Variants in PTCH1 observed in about 807,000 individuals in gnomAD.
PTCH1 encodes patched 1, also known as protein patched homolog 1.
Under a neutral mutation model 144.6 loss-of-function variants are expected in PTCH1, and 14 were observed. That is an observed-to-expected ratio of 0.10 (90% confidence interval 0.06 to 0.15). The LOEUF (loss-of-function observed/expected upper bound fraction) is 0.15. Ranked by LOEUF, PTCH1 falls within the 10% of genes least tolerant of loss-of-function variation. The pLI, the probability that PTCH1 is intolerant of heterozygous loss-of-function variation, is 1.00. For missense variants in PTCH1, 1,623 were observed against 1,948.3 expected (o/e 0.83, Z 3.14); for synonymous variants, 833 against 793.6 (o/e 1.05, Z -0.83).
intron 2 of PTCH1, among the ~76,000 whole-genome samples, chr9:95,497,350 G>A (rs749424746): frequency 2.0e-5 from 3 of 152,164 alleles, no homozygotes; most frequent in Admixed American, 6.5e-5. Flanking sequence ...TCTCAGCTCC[G>A]AACAATCATC....
In PTCH1 at chr9:95,468,988, G is replaced by C; in HGVS notation, c.2013C>G (p.His671Gln). Reference protein sequence around the residue: ...TVQLRTEYDPHTHVYYTTAEP... With the variant: ...TVQLRTEYDPQTHVYYTTAEP... ...CAGCGGTGGTGTAGTACACGTGCGT[G>C]TGGGGGTCGTACTCCGTGCGGAGCT... The change falls in exon 14 of 24, where the codon CAC becomes CAG. Residue 671 changes from histidine (H) to glutamine (Q), a missense_variant. Coordinates refer to ENST00000331920, the MANE Select transcript of PTCH1 (RefSeq NM_000264.5). 1 of 1,614,088 alleles carries C rather than the reference G, an allele frequency of 6.2e-7. No homozygotes were observed. Among genetic ancestry groups the C allele is most frequent in the Non-Finnish European group, 8.5e-7 (1 of 1,180,046 alleles).
At chr9:95,469,288 G>A in intron 13 of PTCH1, 135 bp from the exon 14 acceptor site, 1 of 1,203,142 alleles carries the variant, frequency 8.3e-7, no homozygotes, top group Non-Finnish European at 1.2e-6. Flanking sequence ...TCACATTGCT[G>A]AATTCCAGAA....
In PTCH1 at chr9:95,449,291, G is replaced by A. The variant is rs2136602162; in HGVS notation, c.3582C>T (p.Pro1194=). 1.3e-6 allele frequency: 2 copies of A among 1,557,530 alleles called. No homozygotes were observed. The highest frequency in any genetic ancestry group is 1.7e-6 in the Non-Finnish European group (2 of 1,151,116). Residue 1194 remains proline (P), a synonymous_variant, in exon 22 of 24, where the codon CCC becomes CCT. Transcript: ENST00000331920. This position sits in a 1 kb window ranked among gnomAD's most constrained non-coding sequence, Gnocchi z 5.3. ...TGGGGGGTGGCTCAGGGGAGGGTGT[G>A]GGCAGGCGGTTCAAGCCGTTGGCTG... is the stretch of plus-strand genomic sequence containing the variant. The part of the protein sequence containing the change: ...VSPANGLNRL[P]TPSPEPPPSV...
At chr9:95,460,100 T>C (rs1016233386) in intron 16 of PTCH1, 4 of 419,316 alleles carry the variant, frequency 9.5e-6, no homozygotes, top group Non-Finnish European at 1.8e-5. Context: ...AGAAACATAT[T>C]TATAGGAGGG....
At chr9:95,508,113 G>A (rs1843876645) in intron 1 of PTCH1, 48 bp downstream of exon 1, 7 of 1,606,784 alleles carry the variant, frequency 4.4e-6, no homozygotes, top group Non-Finnish European at 5.9e-6. Flanking sequence ...CGATCCCAAA[G>A]AGTTAGAGGA....
chr9:95,510,841 G>T (rs1325514087), upstream of PTCH1, among the ~76,000 whole-genome samples: 2 of 151,268 alleles, frequency 1.3e-5, no homozygotes, highest in Admixed American at 1.3e-4. Context: ...CCCGCGCCAG[G>T]AGGCCCGGTG....
chr9:95,460,736 G>A (rs1041892509), intron 16 of PTCH1, among the ~76,000 whole-genome samples: 9 of 152,112 alleles, frequency 5.9e-5, no homozygotes, highest in Non-Finnish European at 1.2e-4. Flanking sequence ...CATGCAGCAC[G>A]CCTTTCTCCC....
At chr9:95,496,334 G>A (rs1444559032) in intron 2 of PTCH1, among the ~76,000 whole-genome samples, 4 of 152,152 alleles carry the variant, frequency 2.6e-5, no homozygotes, top group Admixed American at 1.3e-4. Context: ...ATTTTTCCAC[G>A]TTGCTGGCTA....
At chr9:95,483,570 A>G (rs1184366584) in intron 3 of PTCH1, 1 of 152,282 alleles carries the variant, frequency 6.6e-6, no homozygotes, top group African/African-American at 2.4e-5. Context: ...TGTCACCCCC[A>G]TGTTAAGCTT....
chr9:95,449,626 A>AG lies in PTCH1; in HGVS notation c.3549+214dup. The AG allele has an allele frequency of 1.5e-6, 1 of 651,798 alleles. No homozygotes were observed. Among genetic ancestry groups the AG allele is most frequent in the Non-Finnish European group, 2.7e-6 (1 of 374,276 alleles). 40.4% of individuals were successfully genotyped at this position (651,798 alleles called of 1,614,324 possible). A position where few individuals can be genotyped will look rare whatever the true frequency, so the allele number is the denominator to read the frequency against. On this transcript the variant is annotated intron_variant, in intron 21 of 23. Transcript: ENST00000331920. The surrounding 1 kb of genome is among the most constrained non-coding windows in gnomAD (Gnocchi z 5.3). ...TACTGTATAAAGATCTGTAAGACCC[A>AG]GGCTGCCAATCAGTTGATTTAGAGG... is the stretch of plus-strand genomic sequence containing the variant.
In PTCH1 at chr9:95,479,322, G is replaced by A. The variant is rs138312474; in HGVS notation, c.1068-175C>T. 2.8e-3 allele frequency among the ~76,000 whole-genome samples: 422 copies of A among 152,238 alleles called. 4 individuals are homozygous for A. Among genetic ancestry groups the A allele is most frequent in the African/African-American group, 9.8e-3 (406 of 41,528 alleles). On this transcript the variant is annotated intron_variant, in intron 7 of 23. Transcript: ENST00000331920. ...TGGTTATTTTATTTAATAGATTGAT[G>A]TACCATATTAAAGGTATAACCTTAC...
At position 95,485,886 on chromosome 9, in the gene PTCH1, G is replaced by A. The variant is rs374019375; in HGVS notation, c.395-12C>T. 69 of 1,614,050 alleles carry A rather than the reference G, an allele frequency of 4.3e-5. No homozygotes were observed. In the South Asian group the frequency reaches 4.8e-4, roughly 11 times the overall value. On this transcript the variant is annotated splice_polypyrimidine_tract_variant and intron_variant, in intron 2 of 23. Coordinates refer to ENST00000331920, the MANE Select transcript of PTCH1 (RefSeq NM_000264.5). ...TACTCGTCCTCCAACTGACAAATAT[G>A]TACAGGTTTAATTAGAATAGCAAAA...
intron 12 of PTCH1, among the ~76,000 whole-genome samples, chr9:95,472,147 C>A (rs1427294498): frequency 1.3e-5 from 2 of 152,184 alleles, no homozygotes; most frequent in Admixed American, 1.3e-4. Context: ...CACCTCAGTA[C>A]TGCTGGGGTT....
Position 95,508,543 on chromosome 9 carries a change from C to T in PTCH1, c.-182G>A. The T allele has an allele frequency of 2.0e-6, 2 of 1,009,050 alleles. No homozygotes were observed. Among genetic ancestry groups the T allele is most frequent in the Non-Finnish European group, 2.4e-6 (2 of 845,472 alleles). The allele number at this position is 1,009,050 out of a possible 1,614,324, so 62.5% of individuals were successfully genotyped here. A position where few individuals can be genotyped will look rare whatever the true frequency, so the allele number is the denominator to read the frequency against. On this transcript the variant is annotated 5_prime_UTR_variant, in exon 1 of 24. Transcript: ENST00000331920. ...CCAGCCGCTGCTGCTGCTCACACGG[C>T]GGGCGCTGCTGCCGCTGCGGCCGCG...
At chr9:95,477,857 G>A (rs1841192052) in intron 9 of PTCH1, among the ~76,000 whole-genome samples, 155 bp from the exon 10 acceptor site, 1 of 152,206 alleles carries the variant, frequency 6.6e-6, no homozygotes, top group African/African-American at 2.4e-5. Context: ...AAAATGACAG[G>A]AGTCAAAGGT....
At chr9:95,516,943 C>G in exon 1 of PTCH1, 1 of 798,230 alleles carries the variant, frequency 1.3e-6, no homozygotes, top group Non-Finnish European at 1.9e-6. Context: ...GAGGAACGTG[C>G]TATCAGCACA....
chr9:95,488,547 T>C (rs573970960), intron 2 of PTCH1, among the ~76,000 whole-genome samples: 20 of 149,164 alleles, frequency 1.3e-4, no homozygotes, highest in Admixed American at 2.7e-4. Flanking sequence ...TAATGAAGTT[T>C]AGTTGCCACC....
upstream of PTCH1, among the ~76,000 whole-genome samples, chr9:95,511,452 A>C (rs1474941869): frequency 6.6e-6 from 1 of 152,148 alleles, no homozygotes; most frequent in Admixed American, 6.5e-5. Context: ...GGATGTCCCG[A>C]GGAAGAGAGG....
At chr9:95,464,692 G>A (rs1460053661) in intron 15 of PTCH1, among the ~76,000 whole-genome samples, 1 of 152,018 alleles carries the variant, frequency 6.6e-6, no homozygotes, top group Non-Finnish European at 1.5e-5. Flanking sequence ...AGTTTTAGGA[G>A]TAAAAAAAAT....
Sources: gnomAD v4.1 joint callset for allele counts (sites outside exome capture counted in the v4.1 genomes callset) on GRCh38, gnomAD v4.1.1 for gene constraint, Gnocchi (gnomAD v3.1) non-coding constraint, MANE v1.5 for transcripts, NCBI Gene and HGNC (gene_info 2026-07-23, HGNC 2026-07-21) for gene names.